PCDH15: variants seen among roughly 807,000 people sequenced by gnomAD.
The protein encoded by PCDH15 is protocadherin-15.
In PCDH15, 129 loss-of-function variants were observed where a neutral mutation model predicts 178.5. That is an observed-to-expected ratio of 0.72 (90% CI 0.63 to 0.84). The LOEUF (loss-of-function observed/expected upper bound fraction) is 0.84. Ranked by LOEUF, PCDH15 falls within the 40% of genes least tolerant of loss-of-function variation. The probability of loss-of-function intolerance (pLI) is 0.00; values close to 1 mark genes in which losing one functional copy is unlikely to be tolerated. For synonymous variants in PCDH15, 800 were observed against 732.0 expected (o/e 1.09, Z -1.50); for missense variants, 2,230 against 2,099.9 (o/e 1.06, Z -1.21).
intron 10 of PCDH15, among the ~76,000 whole-genome samples, chr10:54,199,357 G>A (rs2050001510): frequency 6.6e-6 from 1 of 151,944 alleles, no homozygotes; most frequent in Non-Finnish European, 1.5e-5. Context: ...CACATAGGCT[G>A]TAAGTTACAT....
At chr10:55,209,129 AATG>A (rs1267306178) in intron 1 of PCDH15, among the ~76,000 whole-genome samples, 1 of 152,090 alleles carries the variant, frequency 6.6e-6, no homozygotes, top group Non-Finnish European at 1.5e-5. Flanking sequence ...AAGACTGTTA[AATG>A]ATGATGAATT....
At chr10:54,967,827 T>C (rs1160253720) in intron 2 of PCDH15, among the ~76,000 whole-genome samples, 2 of 152,110 alleles carry the variant, frequency 1.3e-5, no homozygotes, top group African/African-American at 2.4e-5. Context: ...TGAGGCCTAT[T>C]TCCTCAACTT....
intron 1 of PCDH15, among the ~76,000 whole-genome samples, chr10:54,747,806 AT>A (rs10628733): frequency 0.014 from 1,852 of 135,482 alleles, 33 homozygotes; most frequent in African/African-American, 0.044. Context: ...CAATGGTTAC[AT>A]TTTTTTTTTT....
chr10:54,975,801 A>G (rs1839055715), intron 2 of PCDH15, among the ~76,000 whole-genome samples: 1 of 152,166 alleles, frequency 6.6e-6, no homozygotes, highest in African/African-American at 2.4e-5. Flanking sequence ...GAAAAAAGGA[A>G]AGTGTCAAGG....
At chr10:55,281,838 C>A (rs918223901) in intron 1 of PCDH15, among the ~76,000 whole-genome samples, 1 of 152,152 alleles carries the variant, frequency 6.6e-6, no homozygotes, top group Admixed American at 6.6e-5. Flanking sequence ...TTACAGAACC[C>A]TGTAATATGA....
intron 24 of PCDH15, 63 bp downstream of exon 24, chr10:53,940,803 G>A: frequency 8.2e-7 from 1 of 1,226,838 alleles, no homozygotes; most frequent in Non-Finnish European, 1.2e-6. Flanking sequence ...AATTCAATCT[G>A]AAATTAGGCC....
chr10:55,432,154 T>C (rs1477374198), intron 2 of PCDH15, among the ~76,000 whole-genome samples: 7 of 151,490 alleles, frequency 4.6e-5, no homozygotes, highest in Admixed American at 2.6e-4. Context: ...AATGACTTCA[T>C]TGATCAGTTA....
At chr10:53,953,202 A>G (rs189413678) in intron 23 of PCDH15, among the ~76,000 whole-genome samples, 5 of 152,360 alleles carry the variant, frequency 3.3e-5, no homozygotes, top group Admixed American at 3.3e-4. Flanking sequence ...GGAATAGTAT[A>G]CAGTATGAAG....
chr10:53,979,251 A>G (rs1015569058), intron 21 of PCDH15, among the ~76,000 whole-genome samples: 1 of 152,204 alleles, frequency 6.6e-6, no homozygotes, highest in Non-Finnish European at 1.5e-5. Flanking sequence ...AACATACAAG[A>G]CATCCTTCTT....
At chr10:54,786,904 A>G (rs910897889) in intron 1 of PCDH15, among the ~76,000 whole-genome samples, 1 of 151,750 alleles carries the variant, frequency 6.6e-6, no homozygotes, top group African/African-American at 2.4e-5. Flanking sequence ...ACTTGTATCC[A>G]TTGCAATTTT....
intron 20 of PCDH15, among the ~76,000 whole-genome samples, chr10:54,007,186 AG>A (rs1281732550): frequency 6.6e-6 from 1 of 152,172 alleles, no homozygotes; most frequent in African/African-American, 2.4e-5. Flanking sequence ...GCAGACTCTA[AG>A]ACCAGGTTTC....
chr10:54,848,200 G>A (rs1195077685), intron 3 of PCDH15, among the ~76,000 whole-genome samples: 1 of 152,024 alleles, frequency 6.6e-6, no homozygotes, highest in Non-Finnish European at 1.5e-5. Context: ...CCAACATGGT[G>A]AAACTTCATC....
chr10:55,292,464 C>G (rs1307900273), intron 1 of PCDH15, among the ~76,000 whole-genome samples: 1 of 152,108 alleles, frequency 6.6e-6, no homozygotes, highest in Non-Finnish European at 1.5e-5. Flanking sequence ...TCACTGCTAC[C>G]TCCATCTCCC....
intron 1 of PCDH15, among the ~76,000 whole-genome samples, chr10:54,665,186 T>C (rs1284287245): frequency 6.6e-6 from 1 of 151,814 alleles, no homozygotes; most frequent in African/African-American, 2.4e-5. Context: ...ATAGTGATGG[T>C]AGAGGCTGTG....
chr10:54,276,210 A>T (rs2097840166), intron 8 of PCDH15, among the ~76,000 whole-genome samples: 1 of 151,794 alleles, frequency 6.6e-6, no homozygotes, highest in African/African-American at 2.4e-5. Flanking sequence ...GTGAAAAGGA[A>T]GCTTCACAGA....
Position 53,867,676 on chromosome 10 carries a change from T to A in PCDH15, c.3502-819A>T, listed in dbSNP as rs150377932. Among the ~76,000 whole-genome samples, 796 of 152,222 alleles carry A rather than the reference T, an allele frequency of 5.2e-3. 9 individuals are homozygous for A. Among genetic ancestry groups the A allele is most frequent in the Middle Eastern group, 0.01 (3 of 294 alleles). ...TGTTTACCTAATGTTTGTCTTGCTG[T>A]AATAGGCATACAGTGTGATGGTATT... On this transcript the variant is annotated intron_variant, in intron 26 of 37. Transcript: ENST00000644397.
At chr10:53,911,468 A>C (rs1011932236) in intron 25 of PCDH15, among the ~76,000 whole-genome samples, 1 of 152,222 alleles carries the variant, frequency 6.6e-6, no homozygotes, top group Admixed American at 6.5e-5. Flanking sequence ...CAGTGTGTAG[A>C]GGGAAATTTA....
intron 26 of PCDH15, among the ~76,000 whole-genome samples, chr10:53,888,289 T>TAC (rs68140125): frequency 1.8e-5 from 1 of 54,612 alleles, no homozygotes; most frequent in African/African-American, 1.1e-4. Context: ...ACACTATATA[T>TAC]ACATATATAT....
In PCDH15 at chr10:54,518,423, C is replaced by T. The variant is rs1315485012; in HGVS notation, c.157+9389G>A. Among the ~76,000 whole-genome samples the T allele has an allele frequency of 4.6e-5, 7 of 152,244 alleles. No homozygotes were observed. The East Asian group carries it at 1.3e-3, about 29-fold the overall frequency. On this transcript the variant is annotated intron_variant, in intron 3 of 37. Coordinates refer to ENST00000644397, the MANE Select transcript of PCDH15 (RefSeq NM_001384140.1). ...AAATACAAACTACCATCAGAGAATA[C>T]TACAAACACCTCTACGCAAATAAAC... is the stretch of plus-strand genomic sequence containing the variant.
Sources: gnomAD v4.1 joint callset for allele counts (sites outside exome capture counted in the v4.1 genomes callset) on GRCh38, gnomAD v4.1.1 for gene constraint, MANE v1.5 for transcripts, NCBI Gene and HGNC (gene_info 2026-07-23, HGNC 2026-07-21) for gene names.